Variants in CSTPP1 observed in about 807,000 individuals in gnomAD.
The protein encoded by CSTPP1 is centriolar satellite-associated tubulin polyglutamylase complex regulator 1.
the CSTPP1 span, among the ~76,000 whole-genome samples, chr11:47,038,656 C>T: frequency 2.8e-4 from 33 of 119,186 alleles, 2 homozygotes; most frequent in African/African-American, 8.5e-4. Context: ...CTCTCCCGGA[C>T]GGGGTGGCTG....
the CSTPP1 span, among the ~76,000 whole-genome samples, chr11:46,998,254 G>C: frequency 6.6e-6 from 1 of 152,046 alleles, no homozygotes; most frequent in South Asian, 2.1e-4. Flanking sequence ...TATACTGTGC[G>C]CCTTGCACTC....
At chr11:47,074,674 C>T in the CSTPP1 span, among the ~76,000 whole-genome samples, 1 of 151,942 alleles carries the variant, frequency 6.6e-6, no homozygotes, top group Non-Finnish European at 1.5e-5. Flanking sequence ...TAGTGTATAC[C>T]CTAAATGCTG....
the CSTPP1 span, chr11:46,936,708 C>A: frequency 9.0e-6 from 14 of 1,548,742 alleles, no homozygotes; most frequent in East Asian, 1.2e-4. Context: ...AGCTCCCGTC[C>A]CCCTTCCGCC....
chr11:47,118,811 G>C, the CSTPP1 span, among the ~76,000 whole-genome samples: 1 of 152,202 alleles, frequency 6.6e-6, no homozygotes, highest in Non-Finnish European at 1.5e-5. Context: ...ATTGCTGCCT[G>C]ATCCTTCCTC....
At chr11:46,956,919 GTA>G in the CSTPP1 span, among the ~76,000 whole-genome samples, 7 of 150,110 alleles carry the variant, frequency 4.7e-5, no homozygotes, top group South Asian at 2.1e-4. Flanking sequence ...TAGTATATAT[GTA>G]TATATATATA....
At chr11:46,957,910 A>T in the CSTPP1 span, among the ~76,000 whole-genome samples, 1 of 152,188 alleles carries the variant, frequency 6.6e-6, no homozygotes, top group Admixed American at 6.5e-5. Flanking sequence ...AACTAATAGG[A>T]TATGTAAAGA....
At chr11:46,991,561 C>T in the CSTPP1 span, 1 of 152,184 alleles carries the variant, frequency 6.6e-6, no homozygotes, top group Non-Finnish European at 1.5e-5. Context: ...AGTGAACTGA[C>T]AAGCCTACGG....
chr11:47,161,643 TC>T, the CSTPP1 span: 1 of 1,606,604 alleles, frequency 6.2e-7, no homozygotes, highest in Admixed American at 1.7e-5. Flanking sequence ...ACTTGAGGAG[TC>T]CAAAGGGTCC....
chr11:47,037,461 AT>A, the CSTPP1 span, among the ~76,000 whole-genome samples: 6 of 117,888 alleles, frequency 5.1e-5, 2 homozygotes, highest in Non-Finnish European at 1.2e-4. Context: ...TCACAGGACA[AT>A]AGTGGAGGGA....
chr11:47,141,423 T>C, the CSTPP1 span, among the ~76,000 whole-genome samples: 1 of 151,900 alleles, frequency 6.6e-6, no homozygotes, highest in Admixed American at 6.6e-5. Context: ...TTGCTCAACA[T>C]GGTGAAACCC....
the CSTPP1 span, among the ~76,000 whole-genome samples, chr11:47,083,937 TG>T: frequency 6.6e-6 from 1 of 152,260 alleles, no homozygotes; most frequent in African/African-American, 2.4e-5. Flanking sequence ...TTTTTATGGA[TG>T]TATGTTTTCA....
chr11:46,950,349 A>G, the CSTPP1 span, among the ~76,000 whole-genome samples: 1 of 150,118 alleles, frequency 6.7e-6, no homozygotes, highest in African/African-American at 2.5e-5. Context: ...AATTTTTTGT[A>G]TTTTTAGTAG....
chr11:47,041,662 G>T, the CSTPP1 span: 1 of 447,216 alleles, frequency 2.2e-6, no homozygotes, highest in Admixed American at 3.1e-5. Context: ...GAACTCACTG[G>T]GCAGCTATGC....
the CSTPP1 span, among the ~76,000 whole-genome samples, chr11:47,019,184 ATT>A: frequency 1.3e-5 from 2 of 151,650 alleles, no homozygotes; most frequent in Non-Finnish European, 2.9e-5. Flanking sequence ...ATTTTTTTGT[ATT>A]TTTAGTAGAG....
At chr11:47,067,077 G>A in the CSTPP1 span, among the ~76,000 whole-genome samples, 2 of 152,268 alleles carry the variant, frequency 1.3e-5, no homozygotes, top group Non-Finnish European at 1.5e-5. Flanking sequence ...TGGTTTTAAG[G>A]TAAAAGTGTG....
At chr11:47,064,450 C>G in the CSTPP1 span, among the ~76,000 whole-genome samples, 10 of 152,022 alleles carry the variant, frequency 6.6e-5, no homozygotes, top group African/African-American at 9.7e-5. Flanking sequence ...CTAGTTTTAG[C>G]TCATAAATTT....
chr11:46,955,986 ACC>A, the CSTPP1 span, among the ~76,000 whole-genome samples: 24,088 of 115,608 alleles, frequency 0.21, 3,510 homozygotes, highest in African/African-American at 0.43. Flanking sequence ...GACTCCATCC[ACC>A]CCCCCCCCCC....
chr11:46,993,367 T>TC, the CSTPP1 span, among the ~76,000 whole-genome samples: 2 of 151,758 alleles, frequency 1.3e-5, no homozygotes, highest in African/African-American at 2.4e-5. Flanking sequence ...TCTTTTCTTT[T>TC]TTTTTTTGCC....
chr11:47,059,441 T>C, the CSTPP1 span, among the ~76,000 whole-genome samples: 1 of 152,090 alleles, frequency 6.6e-6, no homozygotes, highest in Non-Finnish European at 1.5e-5. Context: ...TAAGATTCCA[T>C]AATAGCACAA....
Sources: gnomAD v4.1 joint callset for allele counts (sites outside exome capture counted in the v4.1 genomes callset) on GRCh38, gnomAD v4.1.1 for gene constraint, MANE v1.5 for transcripts, NCBI Gene and HGNC (gene_info 2026-07-23, HGNC 2026-07-21) for gene names.